LTBP2: variants seen among roughly 807,000 people sequenced by gnomAD.
LTBP2 encodes the protein latent-transforming growth factor beta-binding protein 2.
A neutral mutation model predicts 210.6 loss-of-function variants in LTBP2; 103 were observed. That is an observed-to-expected ratio of 0.49 (90% CI 0.42 to 0.58). The LOEUF is 0.58. LTBP2 is among the 20% of genes least tolerant of loss of function. The pLI is 0.00. For synonymous variants in LTBP2, 1,007 were observed against 1,015.0 expected (o/e 0.99, Z 0.15); for missense variants, 2,313 against 2,494.5 (o/e 0.93, Z 1.55).
chr14:74,517,218 C>T (rs2087147754), intron 17 of LTBP2, among the ~76,000 whole-genome samples: 1 of 152,142 alleles, frequency 6.6e-6, no homozygotes, highest in Admixed American at 6.5e-5. Flanking sequence ...TTTCCTCACC[C>T]TCATGCAAGG....
chr14:74,513,497 C>T (rs2139700487), intron 18 of LTBP2, among the ~76,000 whole-genome samples: 1 of 152,306 alleles, frequency 6.6e-6, no homozygotes, highest in South Asian at 2.1e-4. Flanking sequence ...ACATGTGGCA[C>T]TGATGAGATA....
At chr14:74,523,436 T>G (rs1338925772) in intron 15 of LTBP2, among the ~76,000 whole-genome samples, 3 of 150,418 alleles carry the variant, frequency 2.0e-5, no homozygotes, top group East Asian at 1.9e-4. Flanking sequence ...AAGGTGGGGG[T>G]GGGTCAGAGC....
In LTBP2 at chr14:74,511,309, G is replaced by C. The variant is rs2087067969; in HGVS notation, c.2964C>G (p.Ser988=). The C allele has an allele frequency of 1.9e-6, 3 of 1,614,164 alleles. No homozygotes were observed. In the African/African-American group the frequency reaches 4.0e-5, roughly 22 times the overall value. ...AGGCCAGACAAGTGTAGGAGCCAGG[G>C]GAATTGACGCATCTCCCATCAGGGC... ...GTCPDGRCVN[S]PGSYTCLACE... Residue 988 remains serine, a synonymous_variant, in exon 19 of 36, where the codon TCC becomes TCG. Transcript: ENST00000261978.
At chr14:74,520,278 AGT>A (rs769344613) in intron 17 of LTBP2, among the ~76,000 whole-genome samples, 9 of 152,116 alleles carry the variant, frequency 5.9e-5, no homozygotes, top group Non-Finnish European at 1.3e-4. Flanking sequence ...TGTGTAAGGG[AGT>A]GTGTCTTTGG....
intron 8 of LTBP2, among the ~76,000 whole-genome samples, chr14:74,543,161 G>A (rs2087531401): frequency 1.3e-5 from 2 of 151,794 alleles, no homozygotes; most frequent in South Asian, 2.1e-4. Flanking sequence ...GGCAGATCAC[G>A]AGGTCGGGAG....
chr14:74,535,194 C>T (rs1303128242), intron 9 of LTBP2, among the ~76,000 whole-genome samples: 1 of 152,064 alleles, frequency 6.6e-6, no homozygotes, highest in African/African-American at 2.4e-5. Context: ...CCTGGCACCC[C>T]CAAGGAAGAC....
At chr14:74,533,725 G>A (rs2087381450) in intron 9 of LTBP2, among the ~76,000 whole-genome samples, 1 of 152,170 alleles carries the variant, frequency 6.6e-6, no homozygotes, top group Non-Finnish European at 1.5e-5. Context: ...CTTCAAATAA[G>A]GGAGGTGCAC....
intron 3 of LTBP2, among the ~76,000 whole-genome samples, chr14:74,555,906 C>A (rs937582345): frequency 2.0e-5 from 3 of 152,178 alleles, no homozygotes; most frequent in African/African-American, 7.2e-5. Flanking sequence ...AATACCAACC[C>A]CTATGTGGAA....
chr14:74,585,631 C>T lies in LTBP2; in HGVS notation c.830+223G>A, dbSNP rs577328261. 4.6e-5 allele frequency among the ~76,000 whole-genome samples: 7 copies of T among 152,282 alleles called. 1 individual carries two copies. The South Asian group carries it at 8.3e-4, about 18-fold the overall frequency. On this transcript the variant is annotated intron_variant, in intron 3 of 35. Coordinates refer to ENST00000261978, the MANE Select transcript of LTBP2 (RefSeq NM_000428.3). Reference sequence around the variant, plus strand: ...CGAGGGCAAAGACTTCGCTTCCCTCCTCCTCTTCCCACCCCAGGCTGGCAA... The same window carrying T: ...CGAGGGCAAAGACTTCGCTTCCCTCTTCCTCTTCCCACCCCAGGCTGGCAA...
At chr14:74,519,038 T>C (rs145696702) in intron 17 of LTBP2, among the ~76,000 whole-genome samples, 7 of 152,278 alleles carry the variant, frequency 4.6e-5, no homozygotes, top group African/African-American at 1.7e-4. Context: ...GACCAGGTTC[T>C]TAACAGCCAT....
intron 20 of LTBP2, 43 bp downstream of exon 20, chr14:74,510,048 C>G (rs2087050000): frequency 1.2e-6 from 2 of 1,613,734 alleles, no homozygotes; most frequent in Admixed American, 1.7e-5. Flanking sequence ...GAGCCACAAG[C>G]TGGATCGGCC....
intron 1 of LTBP2, among the ~76,000 whole-genome samples, chr14:74,608,761 A>AAAT (rs1566659199): frequency 6.7e-6 from 1 of 149,180 alleles, no homozygotes; most frequent in Non-Finnish European, 1.5e-5. Flanking sequence ...AGAAAAGAAA[A>AAAT]GAAATGAAAA....
In LTBP2 at chr14:74,507,364, T is replaced by C. The variant is rs914212033; in HGVS notation, c.3776-54A>G. ...GACAGAGGTGGCCAGGTCACTGCTG[T>C]GGTCCCACAGGGTCATGCCCCACAA... On this transcript the variant is annotated intron_variant, in intron 25 of 35. Transcript: ENST00000261978. The C allele has an allele frequency of 6.8e-6, 11 of 1,612,130 alleles. No homozygotes were observed. In the African/African-American group the frequency reaches 1.5e-4, roughly 22 times the overall value.
intron 8 of LTBP2, among the ~76,000 whole-genome samples, chr14:74,543,890 CAA>C (rs936985304): frequency 1.3e-5 from 2 of 152,174 alleles, no homozygotes; most frequent in African/African-American, 2.4e-5. Context: ...AAGATAGAAC[CAA>C]AGTCACCACA....
At chr14:74,607,285 A>G (rs2139811477) in intron 1 of LTBP2, among the ~76,000 whole-genome samples, 2 of 152,306 alleles carry the variant, frequency 1.3e-5, no homozygotes, top group Middle Eastern at 3.4e-3. Flanking sequence ...CACAGAGTTG[A>G]GCTTCCTAAG....
chr14:74,567,158 T>TTAA (rs1566642463), intron 3 of LTBP2, among the ~76,000 whole-genome samples: 7 of 152,182 alleles, frequency 4.6e-5, no homozygotes, highest in Admixed American at 3.9e-4. Context: ...CACCCAGCCC[T>TTAA]TGCCTGCAGC....
In LTBP2 at chr14:74,560,480, A is replaced by T. The variant is rs2087780397; in HGVS notation, c.831-4787T>A. ...CAAGAAAGCTGCCTGGGCAGTCTGT[A>T]CCCATAATGATGCCACTTACTGAAA... is the stretch of plus-strand genomic sequence containing the variant. On this transcript the variant is annotated intron_variant, in intron 3 of 35. Transcript: ENST00000261978. 3.9e-5 allele frequency among the ~76,000 whole-genome samples: 6 copies of T among 152,202 alleles called. No individual in the cohort carries two copies. In the South Asian group the frequency reaches 1.2e-3, roughly 32 times the overall value.
At chr14:74,511,664 T>C (rs1293511150) in intron 18 of LTBP2, among the ~76,000 whole-genome samples, 15 of 152,152 alleles carry the variant, frequency 9.9e-5, no homozygotes. Context: ...GCTGGGCTGT[T>C]GGGGATGGGC....
At chr14:74,574,237 C>T (rs1595286278) in intron 3 of LTBP2, among the ~76,000 whole-genome samples, 1 of 152,134 alleles carries the variant, frequency 6.6e-6, no homozygotes, top group Non-Finnish European at 1.5e-5. Flanking sequence ...TAACCACTAC[C>T]GTACTGTTAA....
Sources: allele counts gnomAD v4.1 joint callset (sites outside exome capture counted in the v4.1 genomes callset), GRCh38; gene constraint gnomAD v4.1.1; transcripts MANE v1.5; gene names NCBI Gene and HGNC (gene_info 2026-07-23, HGNC 2026-07-21).